DCAF5: variants seen among roughly 807,000 people sequenced by gnomAD.
DCAF5 encodes the protein DDB1 and CUL4 associated factor 5, also known as DDB1- and CUL4-associated factor 5.
In DCAF5, 9 loss-of-function variants were observed where a neutral mutation model predicts 80.7. That is an observed-to-expected ratio of 0.11 (90% CI 0.07 to 0.19). The LOEUF (loss-of-function observed/expected upper bound fraction) is 0.19. Ranked by LOEUF, DCAF5 falls within the 10% of genes least tolerant of loss-of-function variation. The pLI, the probability that DCAF5 is intolerant of heterozygous loss-of-function variation, is 1.00. For synonymous variants in DCAF5, 433 were observed against 461.9 expected, an observed-to-expected ratio of 0.94 and a Z score of 0.80; for missense variants, 842 against 1,205.7, an observed-to-expected ratio of 0.70 and a Z score of 4.47.
At chr14:69,150,402 C>G (rs1236959753) in intron 1 of DCAF5, among the ~76,000 whole-genome samples, 2 of 151,948 alleles carry the variant, frequency 1.3e-5, no homozygotes, top group African/African-American at 4.8e-5. Flanking sequence ...CTTTCACAGG[C>G]TAAAATTAAG....
intron 7 of DCAF5, among the ~76,000 whole-genome samples, chr14:69,074,977 T>G (rs1459238222): frequency 1.3e-5 from 2 of 150,662 alleles, no homozygotes; most frequent in Admixed American, 1.3e-4. Flanking sequence ...GAGGTTGCAG[T>G]GAGCCAAGAT....
At chr14:69,128,842 G>A (rs751202571) in intron 1 of DCAF5, among the ~76,000 whole-genome samples, 29 of 152,138 alleles carry the variant, frequency 1.9e-4, no homozygotes, top group Non-Finnish European at 3.1e-4. Context: ...ACTTAGGGAG[G>A]TCGAGGTGGG....
chr14:69,108,231 T>G (rs552193681), intron 5 of DCAF5, among the ~76,000 whole-genome samples: 8 of 152,200 alleles, frequency 5.3e-5, no homozygotes, highest in Non-Finnish European at 7.3e-5. Flanking sequence ...TAGTGCCAGG[T>G]GCCGGGGGAC....
At chr14:69,138,806 T>G (rs2041267390) in intron 1 of DCAF5, among the ~76,000 whole-genome samples, 2 of 152,230 alleles carry the variant, frequency 1.3e-5, no homozygotes, top group Middle Eastern at 6.8e-3. Flanking sequence ...ATGAGAGTGG[T>G]GAAAACAGGA....
chr14:69,145,513 TAAAA>T (rs1026177331), intron 1 of DCAF5, among the ~76,000 whole-genome samples: 1 of 149,038 alleles, frequency 6.7e-6, no homozygotes. Flanking sequence ...TAACTGAAAA[TAAAA>T]AAAAAAATTT....
chr14:69,111,187 G>A (rs1349675391), intron 5 of DCAF5, among the ~76,000 whole-genome samples: 1 of 152,210 alleles, frequency 6.6e-6, no homozygotes, highest in East Asian at 1.9e-4. Flanking sequence ...ATGTGGCAGA[G>A]ATTGTCTGGC....
At chr14:69,110,440 AT>A (rs149336032) in intron 5 of DCAF5, among the ~76,000 whole-genome samples, 17 of 148,144 alleles carry the variant, frequency 1.1e-4, no homozygotes, top group African/African-American at 3.2e-4. Context: ...TAATTTTCCT[AT>A]TTTTTTTTAG....
intron 5 of DCAF5, among the ~76,000 whole-genome samples, chr14:69,106,665 C>A (rs1023152951): frequency 1.3e-5 from 2 of 152,176 alleles, no homozygotes; most frequent in African/African-American, 2.4e-5. Flanking sequence ...AGCCACTGCA[C>A]CCAGCCTACT....
chr14:69,052,974 A>G lies in DCAF5; in HGVS notation c.*883T>C, dbSNP rs2037810556. On this transcript the variant is annotated 3_prime_UTR_variant, in exon 9 of 9. Transcript: ENST00000341516. ...AAGCTGTCTTTGCCCTTCTTTCACTATGCCTCGATCGATCATGGGAGCCAA... is the reference window on the plus strand; with the variant it reads ...AAGCTGTCTTTGCCCTTCTTTCACTGTGCCTCGATCGATCATGGGAGCCAA... 6.6e-6 allele frequency: 1 copy of G among 152,174 alleles called. No homozygotes were observed. The highest frequency in any genetic ancestry group is 1.5e-5 in the Non-Finnish European group (1 of 68,030). 9.4% of individuals were successfully genotyped at this position (152,174 alleles called of 1,614,324 possible). A position where few individuals can be genotyped will look rare whatever the true frequency, so the allele number is the denominator to read the frequency against.
Position 69,150,757 on chromosome 14 carries a change from T to C in DCAF5, c.214+2008A>G, listed in dbSNP as rs373530366. ...AAAAGTTTAAATTACCTGGGCATGATAGCACCTGCCTGTAGTCCCAGCTAC... is the reference window on the plus strand; with the variant it reads ...AAAAGTTTAAATTACCTGGGCATGACAGCACCTGCCTGTAGTCCCAGCTAC... On this transcript the variant is annotated intron_variant, in intron 1 of 8. Coordinates refer to ENST00000341516, the MANE Select transcript of DCAF5 (RefSeq NM_003861.3). 2.0e-5 allele frequency among the ~76,000 whole-genome samples: 3 copies of C among 150,784 alleles called. No individual in the cohort carries two copies. The East Asian group carries it at 5.8e-4, about 29-fold the overall frequency.
At chr14:69,076,810 A>C (rs1406027228) in intron 6 of DCAF5, among the ~76,000 whole-genome samples, 1 of 152,260 alleles carries the variant, frequency 6.6e-6, no homozygotes, top group Non-Finnish European at 1.5e-5. Flanking sequence ...CAATTAAAAA[A>C]AAATTTTAAT....
In DCAF5 at chr14:69,075,996, A is replaced by G. The variant is rs1249615009; in HGVS notation, c.880-585T>C. Among the ~76,000 whole-genome samples the G allele has an allele frequency of 3.3e-5, 5 of 152,224 alleles. No homozygotes were observed. In the East Asian group the frequency reaches 9.6e-4, roughly 29 times the overall value. ...AAGGGGCAAATTAGACAGTTCTCCA[A>G]AGAAATATACAAATGGCTAGTAAGT... On this transcript the variant is annotated intron_variant, in intron 6 of 8. Transcript: ENST00000341516.
chr14:69,054,069 A>T lies in DCAF5; in HGVS notation c.2617T>A (p.Ser873Thr). 1 of 1,614,144 alleles carries T rather than the reference A, an allele frequency of 6.2e-7. No individual in the cohort carries two copies. Among genetic ancestry groups the T allele is most frequent in the Non-Finnish European group, 8.5e-7 (1 of 1,179,994 alleles). ...GHSDTDRDNS[S>T]LTGTLLHKDC... ...TTGTGTAGGAGTGTCCCTGTCAGGG[A>T]CGAGTTATCACGGTCAGTGTCTGAG... The change falls in exon 9 of 9, where the codon TCC becomes ACC. Residue 873 changes from serine to threonine, a missense_variant. Physicochemically the swap from Ser to Thr is moderately conservative, Grantham distance 58. This residue lies in a region of DCAF5 where 607 missense variants were observed against 656.6 expected (regional missense o/e 0.92). Transcript: ENST00000341516.
At position 69,153,050 on chromosome 14, in the gene DCAF5, C is replaced by A. The variant is rs538886137; in HGVS notation, c.-72G>T. On this transcript the variant is annotated 5_prime_UTR_variant, in exon 1 of 9. Transcript: ENST00000341516. ...CCTCACGCGCGGCCGCTGCTCCCCC[C>A]ACCCGGCCCTCCCCCCGCGCTGCGA... 77 of 1,211,584 alleles carry A rather than the reference C, an allele frequency of 6.4e-5. No individual in the cohort carries two copies. In the Middle Eastern group the frequency reaches 8.8e-4, roughly 14 times the overall value. 75.1% of individuals were successfully genotyped at this position (1,211,584 alleles called of 1,614,324 possible).
At position 69,142,780 on chromosome 14, in the gene DCAF5, G is replaced by C. The variant is rs114883300; in HGVS notation, c.214+9985C>G. 4.6e-3 allele frequency among the ~76,000 whole-genome samples: 708 copies of C among 152,300 alleles called. 6 individuals are homozygous for C. The highest frequency in any genetic ancestry group is 0.016 in the African/African-American group (684 of 41,548). On this transcript the variant is annotated intron_variant, in intron 1 of 8. Coordinates refer to ENST00000341516, the MANE Select transcript of DCAF5 (RefSeq NM_003861.3). The stretch of plus-strand genomic sequence containing the variant: ...ACTATATGAGGAAAGACACCTATTT[G>C]TTGACTGAAATTCAGTCAAATGTAA...
rs559224283 is a variant in DCAF5 at position 69,089,157 on chromosome 14, T to G, written c.879+2517A>C. The G allele has an allele frequency of 2.6e-5, 4 of 152,762 alleles. No individual in the cohort carries two copies. In the East Asian group the frequency reaches 7.7e-4, roughly 29 times the overall value. The allele number at this position is 152,762 out of a possible 1,614,324, so 9.5% of individuals were successfully genotyped here. A position where few individuals can be genotyped will look rare whatever the true frequency, so the allele number is the denominator to read the frequency against. On this transcript the variant is annotated intron_variant, in intron 6 of 8. Coordinates refer to ENST00000341516, the MANE Select transcript of DCAF5 (RefSeq NM_003861.3). ...ATCCTGATTTACAGTTAGAGAAGAC[T>G]TAGGCCCACAAAGCTAAATACCACA...
chr14:69,111,253 C>T lies in DCAF5; in HGVS notation c.665+5113G>A, dbSNP rs1344501410. 2.0e-5 allele frequency among the ~76,000 whole-genome samples: 3 copies of T among 152,174 alleles called. 1 individual carries two copies. Among genetic ancestry groups the T allele is most frequent in the African/African-American group, 7.2e-5 (3 of 41,436 alleles). ...GGTCTCTATAGAAGTAGGATTGGCC[C>T]AGGCCCCAAAAAACAGACAGTTAAC... On this transcript the variant is annotated intron_variant, in intron 5 of 8. Transcript: ENST00000341516.
rs11845679 is a variant in DCAF5 at position 69,067,829 on chromosome 14, G to A, written c.947-5318C>T. 1.8e-3 allele frequency among the ~76,000 whole-genome samples: 273 copies of A among 151,994 alleles called. 1 individual carries two copies. The highest frequency in any genetic ancestry group is 6.3e-3 in the African/African-American group (262 of 41,438). ...TTTTTGTATTTTTAGTAGAGATGGG[G>A]TTTCGCCATGTTAGCCAGCATGGTC... On this transcript the variant is annotated intron_variant, in intron 7 of 8. Coordinates refer to ENST00000341516, the MANE Select transcript of DCAF5 (RefSeq NM_003861.3).
At chr14:69,085,514 G>A (rs910642353) in intron 6 of DCAF5, 6 of 309,458 alleles carry the variant, frequency 1.9e-5, no homozygotes, top group South Asian at 7.0e-5. Flanking sequence ...AATTGAATTC[G>A]GTTGCAAGCA....
Sources: allele counts gnomAD v4.1 joint callset (sites outside exome capture counted in the v4.1 genomes callset), GRCh38; gene constraint gnomAD v4.1.1; regional missense constraint gnomAD v4.1.1; transcripts MANE v1.5; gene names NCBI Gene and HGNC (gene_info 2026-07-23, HGNC 2026-07-21).